PTPRD: variants seen among roughly 807,000 people sequenced by gnomAD.
PTPRD encodes receptor-type tyrosine-protein phosphatase delta.
Under a neutral mutation model 214.5 loss-of-function variants are expected in PTPRD, and 34 were observed. The ratio of observed to expected loss-of-function variants is 0.16; its 90% CI spans 0.12 to 0.21. The LOEUF is 0.21. Ranked by LOEUF, PTPRD falls within the 10% of genes least tolerant of loss-of-function variation. The pLI is 1.00. For synonymous variants in PTPRD, 1,128 were observed against 845.7 expected, an observed-to-expected ratio of 1.33 and a Z score of -5.79; for missense variants, 2,545 against 2,398.7, an observed-to-expected ratio of 1.06 and a Z score of -1.27.
chr9:9,666,289 A>G (rs1200083593), intron 7 of PTPRD, among the ~76,000 whole-genome samples: 1 of 152,010 alleles, frequency 6.6e-6, no homozygotes, highest in African/African-American at 2.4e-5. Context: ...GATGAGTAGG[A>G]CTATATTTTA....
chr9:8,527,488 C>T (rs1431657086), intron 15 of PTPRD, 135 bp from the exon 16 acceptor site: 1 of 781,010 alleles, frequency 1.3e-6, no homozygotes, highest in Non-Finnish European at 2.1e-6. Flanking sequence ...ATTAATTCTT[C>T]ATTTACAATA....
intron 10 of PTPRD, among the ~76,000 whole-genome samples, chr9:9,031,338 CTGT>C (rs1337321957): frequency 2.0e-5 from 3 of 151,992 alleles, no homozygotes; most frequent in Admixed American, 6.6e-5. Flanking sequence ...TTAGGCAATT[CTGT>C]TGTTGTGTGA....
At chr9:8,418,402 T>G (rs1170166753) in intron 35 of PTPRD, among the ~76,000 whole-genome samples, 1 of 152,140 alleles carries the variant, frequency 6.6e-6, no homozygotes, top group Non-Finnish European at 1.5e-5. Context: ...GTAGCATTTC[T>G]TCTTGTAAAG....
chr9:10,498,333 T>C (rs1446977916), intron 2 of PTPRD, among the ~76,000 whole-genome samples: 1 of 152,032 alleles, frequency 6.6e-6, no homozygotes, highest in East Asian at 1.9e-4. Flanking sequence ...TTAAAAATAA[T>C]CTGAATTTAT....
At chr9:9,775,823 G>A (rs1004858074) in intron 5 of PTPRD, among the ~76,000 whole-genome samples, 2 of 151,908 alleles carry the variant, frequency 1.3e-5, no homozygotes, top group South Asian at 2.1e-4. Flanking sequence ...GGGCATGGTG[G>A]CGGACGCCTG....
intron 32 of PTPRD, among the ~76,000 whole-genome samples, chr9:8,462,434 T>C (rs1186246003): frequency 2.0e-5 from 3 of 152,030 alleles, no homozygotes; most frequent in East Asian, 3.9e-4. Context: ...GGTATCATCC[T>C]AAACTGCAAC....
intron 4 of PTPRD, among the ~76,000 whole-genome samples, chr9:9,945,036 G>T (rs1416989753): frequency 6.6e-6 from 1 of 152,042 alleles, no homozygotes; most frequent in Non-Finnish European, 1.5e-5. Flanking sequence ...TTGTCTGAAG[G>T]TAAAAAGAAT....
intron 14 of PTPRD, among the ~76,000 whole-genome samples, chr9:8,580,043 A>C (rs2092905655): frequency 6.6e-6 from 1 of 152,224 alleles, no homozygotes; most frequent in Non-Finnish European, 1.5e-5. Context: ...GTCATTCCAC[A>C]AATTATTGAC....
chr9:9,173,618 A>G (rs2099922818), intron 10 of PTPRD, among the ~76,000 whole-genome samples: 2 of 152,128 alleles, frequency 1.3e-5, no homozygotes, highest in South Asian at 2.1e-4. Flanking sequence ...TGAATACTGT[A>G]CACCATTGTA....
At chr9:8,321,950 G>T (rs961787906) in intron 44 of PTPRD, among the ~76,000 whole-genome samples, 4 of 152,008 alleles carry the variant, frequency 2.6e-5, no homozygotes, top group Admixed American at 6.6e-5. Context: ...TTGTGTCTCT[G>T]TGTAGCAGTT....
At chr9:8,791,588 G>C (rs375923839) in intron 11 of PTPRD, among the ~76,000 whole-genome samples, 5 of 149,322 alleles carry the variant, frequency 3.3e-5, no homozygotes, top group South Asian at 2.2e-4. Context: ...AGTGCAGTGG[G>C]GCGATCTCGG....
intron 5 of PTPRD, among the ~76,000 whole-genome samples, chr9:9,839,969 C>G (rs143101463): frequency 3.3e-5 from 5 of 151,866 alleles, no homozygotes; most frequent in African/African-American, 1.2e-4. Flanking sequence ...CTAAAAATAA[C>G]GAAAAGTCAT....
At chr9:8,378,393 A>C (rs2083897886) in intron 37 of PTPRD, among the ~76,000 whole-genome samples, 1 of 152,058 alleles carries the variant, frequency 6.6e-6, no homozygotes. Context: ...GAATAGAACC[A>C]ACACTACTTC....
At chr9:10,205,041 C>A (rs2099462043) in intron 3 of PTPRD, among the ~76,000 whole-genome samples, 1 of 97,042 alleles carries the variant, frequency 1.0e-5, no homozygotes, top group Non-Finnish European at 1.8e-5. Context: ...CAAAACTTTG[C>A]ATTATTTTGA....
At chr9:8,414,926 AGG>A (rs573092776) in intron 35 of PTPRD, among the ~76,000 whole-genome samples, 6,679 of 55,682 alleles carry the variant, frequency 0.12, 535 homozygotes, top group African/African-American at 0.22. Flanking sequence ...AGAGAGAGGG[AGG>A]GGGAGAGAGA....
In PTPRD at chr9:9,584,766, A is replaced by G. The variant is rs550612348; in HGVS notation, c.-286-9985T>C. Among the ~76,000 whole-genome samples, 3 of 151,624 alleles carry G rather than the reference A, an allele frequency of 2.0e-5. No homozygotes were observed. In the East Asian group the frequency reaches 5.9e-4, roughly 30 times the overall value. ...TTTTTCTAATGACAACAAATTTCTCATTCTCCCCTTTATCTTTATTTTCAA... is the reference window on the plus strand; with the variant it reads ...TTTTTCTAATGACAACAAATTTCTCGTTCTCCCCTTTATCTTTATTTTCAA... On this transcript the variant is annotated intron_variant, in intron 7 of 45. Transcript: ENST00000381196.
At chr9:9,806,375 T>C (rs944362805) in intron 5 of PTPRD, among the ~76,000 whole-genome samples, 1 of 152,134 alleles carries the variant, frequency 6.6e-6, no homozygotes, top group African/African-American at 2.4e-5. Context: ...CATTATGACA[T>C]TCCCCCGCCT....
intron 33 of PTPRD, chr9:8,454,692 G>A (rs1395247094): frequency 7.6e-7 from 1 of 1,319,122 alleles, no homozygotes; most frequent in Non-Finnish European, 1.1e-6. Context: ...TTAAGAAATA[G>A]TGTTCACAAG....
chr9:9,602,282 C>A (rs1592723043), intron 7 of PTPRD, among the ~76,000 whole-genome samples: 1 of 152,042 alleles, frequency 6.6e-6, no homozygotes, highest in Middle Eastern at 3.4e-3. Flanking sequence ...ATGATTTAGG[C>A]ATTTTAGGCC....
Sources: allele counts gnomAD v4.1 joint callset (sites outside exome capture counted in the v4.1 genomes callset), GRCh38; gene constraint gnomAD v4.1.1; transcripts MANE v1.5; gene names NCBI Gene and HGNC (gene_info 2026-07-23, HGNC 2026-07-21).